The following GRID2 variants were observed in gnomAD, a reference collection of about 807,000 sequenced individuals.
The protein encoded by GRID2 is glutamate ionotropic receptor delta type subunit 2.
Under a neutral mutation model 114.8 loss-of-function variants are expected in GRID2, and 33 were observed. The observed-to-expected ratio is 0.29, with a 90% CI of 0.22 to 0.38. The LOEUF is 0.38. GRID2 is among the 10% of genes least tolerant of loss of function. The pLI is 1.00. For missense variants in GRID2, 1,184 were observed against 1,257.7 expected, an observed-to-expected ratio of 0.94 and a Z score of 0.89; for synonymous variants, 505 against 449.9, an observed-to-expected ratio of 1.12 and a Z score of -1.55.
chr4:93,084,804 A>G (rs1224311620), intron 2 of GRID2, among the ~76,000 whole-genome samples, 191 bp from the exon 3 acceptor site: 3 of 152,226 alleles, frequency 2.0e-5, no homozygotes, highest in African/African-American at 4.8e-5. Flanking sequence ...CGCATAGATA[A>G]TAAGAGCAGA....
chr4:93,029,264 A>C (rs182361238), intron 2 of GRID2, among the ~76,000 whole-genome samples: 6 of 152,108 alleles, frequency 3.9e-5, no homozygotes, highest in Admixed American at 2.6e-4. Context: ...ATCTTCAAAA[A>C]AAATCTGTAA....
intron 10 of GRID2, 28 bp from the exon 11 acceptor site, chr4:93,455,634 T>C (rs1723113809): frequency 1.3e-6 from 2 of 1,493,944 alleles, no homozygotes; most frequent in African/African-American, 1.4e-5. Flanking sequence ...ACACTGTTAA[T>C]GTATTCCTTT....
intron 8 of GRID2, among the ~76,000 whole-genome samples, chr4:93,276,151 A>C (rs1255143402): frequency 6.6e-6 from 1 of 151,918 alleles, no homozygotes; most frequent in Non-Finnish European, 1.5e-5. Flanking sequence ...TAGTGGCCCA[A>C]GTTTTTTCTT....
intron 8 of GRID2, among the ~76,000 whole-genome samples, chr4:93,335,287 C>A (rs1489404528): frequency 6.6e-6 from 1 of 152,140 alleles, no homozygotes; most frequent in African/African-American, 2.4e-5. Context: ...GGAAGATGGA[C>A]TTTTGCCCAT....
At chr4:92,891,320 G>A (rs577404049) in intron 2 of GRID2, among the ~76,000 whole-genome samples, 8 of 152,228 alleles carry the variant, frequency 5.3e-5, no homozygotes, top group African/African-American at 1.9e-4. Context: ...TTTTAAAAAT[G>A]TATAAGTACC....
intron 14 of GRID2, among the ~76,000 whole-genome samples, chr4:93,741,966 G>C (rs1367013800): frequency 6.6e-6 from 1 of 150,680 alleles, no homozygotes; most frequent in Non-Finnish European, 1.5e-5. Context: ...GTTTGTTCAT[G>C]TGTGGGTGTA....
chr4:93,134,491 A>G (rs917392634), intron 4 of GRID2, among the ~76,000 whole-genome samples: 8 of 152,156 alleles, frequency 5.3e-5, no homozygotes, highest in Non-Finnish European at 8.8e-5. Context: ...GGTAATAACT[A>G]TCACAACATG....
intron 2 of GRID2, among the ~76,000 whole-genome samples, chr4:92,682,410 C>A (rs185250154): frequency 1.3e-5 from 2 of 152,240 alleles, no homozygotes; most frequent in Admixed American, 6.5e-5. Flanking sequence ...ATTTGGTAAG[C>A]CCAGAGATCT....
intron 2 of GRID2, among the ~76,000 whole-genome samples, chr4:92,651,838 T>A (rs1270000702): frequency 3.9e-5 from 6 of 152,166 alleles, no homozygotes; most frequent in Admixed American, 1.3e-4. Context: ...GTTGTAGTAC[T>A]GCAGCTGTCC....
chr4:92,567,075 T>C (rs767498940), intron 1 of GRID2, among the ~76,000 whole-genome samples: 1 of 152,066 alleles, frequency 6.6e-6, no homozygotes, highest in Non-Finnish European at 1.5e-5. Flanking sequence ...TGTATTTGAT[T>C]GTTCACTACT....
At chr4:93,129,763 C>A (rs1055128713) in intron 4 of GRID2, among the ~76,000 whole-genome samples, 3 of 152,100 alleles carry the variant, frequency 2.0e-5, no homozygotes, top group Non-Finnish European at 4.4e-5. Flanking sequence ...GGCACTCAGA[C>A]ACATGGAACC....
At chr4:93,029,014 G>A (rs1724141844) in intron 2 of GRID2, among the ~76,000 whole-genome samples, 1 of 151,812 alleles carries the variant, frequency 6.6e-6, no homozygotes, top group Non-Finnish European at 1.5e-5. Context: ...TGAGATAAGT[G>A]GAATTTCTTA....
At chr4:92,891,212 C>T (rs980993925) in intron 2 of GRID2, among the ~76,000 whole-genome samples, 1 of 151,948 alleles carries the variant, frequency 6.6e-6, no homozygotes, top group Non-Finnish European at 1.5e-5. Flanking sequence ...ACGTGTATAC[C>T]TATGTAACAA....
intron 8 of GRID2, chr4:93,282,279 AAAC>A: frequency 3.0e-6 from 1 of 331,972 alleles, no homozygotes; most frequent in Non-Finnish European, 6.0e-6. Flanking sequence ...CAGGTAGTAA[AAAC>A]AATTAAAAGT....
At chr4:93,627,913 C>T (rs1001870859) in intron 14 of GRID2, among the ~76,000 whole-genome samples, 5 of 152,180 alleles carry the variant, frequency 3.3e-5, no homozygotes, top group African/African-American at 9.7e-5. Flanking sequence ...GTGGTTCACA[C>T]GTGTAACCTC....
chr4:92,917,471 G>A (rs183126994), intron 2 of GRID2, among the ~76,000 whole-genome samples: 22 of 152,112 alleles, frequency 1.4e-4, no homozygotes, highest in African/African-American at 3.9e-4. Context: ...ATAGGTTTTC[G>A]TCTAGGGTTT....
chr4:92,456,240 G>C (rs1471884887), intron 1 of GRID2, among the ~76,000 whole-genome samples: 4 of 151,646 alleles, frequency 2.6e-5, no homozygotes, highest in Non-Finnish European at 5.9e-5. Flanking sequence ...TCACATAAGA[G>C]GCTTATATGA....
chr4:93,442,481 C>A (rs1455798085), intron 10 of GRID2, among the ~76,000 whole-genome samples: 1 of 152,036 alleles, frequency 6.6e-6, no homozygotes, highest in African/African-American at 2.4e-5. Flanking sequence ...TTTTCCCCCA[C>A]TTAGCATTCA....
At chr4:92,671,046 T>C (rs1733037024) in intron 2 of GRID2, among the ~76,000 whole-genome samples, 1 of 152,140 alleles carries the variant, frequency 6.6e-6, no homozygotes, top group Non-Finnish European at 1.5e-5. Flanking sequence ...TATAAAGAAC[T>C]ACCTGAGGCT....
Sources: gnomAD v4.1 joint callset for allele counts (sites outside exome capture counted in the v4.1 genomes callset) on GRCh38, gnomAD v4.1.1 for gene constraint, MANE v1.5 for transcripts, NCBI Gene and HGNC (gene_info 2026-07-23, HGNC 2026-07-21) for gene names.